Variants in CCDC18 observed in about 807,000 individuals in gnomAD.
The protein encoded by CCDC18 is coiled-coil domain-containing protein 18.
A neutral mutation model predicts 196.0 loss-of-function variants in CCDC18; 157 were observed. That is an observed-to-expected ratio of 0.80 (90% CI 0.70 to 0.91). CCDC18 has a LOEUF of 0.91. Among genes scored for constraint, CCDC18 ranks in the 40% least tolerant of loss-of-function variants. The pLI, the probability that CCDC18 is intolerant of heterozygous loss-of-function variation, is 0.00. For synonymous variants in CCDC18, 482 were observed against 529.2 expected (o/e 0.91, Z 1.22); for missense variants, 1,465 against 1,611.6 (o/e 0.91, Z 1.56).
chr1:93,205,432 A>T (rs935645106), intron 7 of CCDC18, 78 bp from the exon 8 acceptor site: 4 of 1,246,556 alleles, frequency 3.2e-6, no homozygotes, highest in Non-Finnish European at 4.4e-6. Context: ...TATTTCTGAA[A>T]TCACTACTGA....
At chr1:93,181,159 TAAA>T (rs71094239) in intron 1 of CCDC18, among the ~76,000 whole-genome samples, 2 of 89,852 alleles carry the variant, frequency 2.2e-5, no homozygotes, top group Non-Finnish European at 3.9e-5. Flanking sequence ...TCTATAAAAT[TAAA>T]AAAAAAAAAA....
intron 25 of CCDC18, among the ~76,000 whole-genome samples, 180 bp downstream of exon 25, chr1:93,256,718 T>A (rs1663010654): frequency 6.6e-6 from 1 of 152,200 alleles, no homozygotes; most frequent in Admixed American, 6.5e-5. Context: ...GTGTGTATTT[T>A]ACCACAATTT....
chr1:93,252,157 C>T (rs1321280698), intron 23 of CCDC18, among the ~76,000 whole-genome samples: 2 of 152,096 alleles, frequency 1.3e-5, no homozygotes, highest in African/African-American at 2.4e-5. Flanking sequence ...CCCACTTCCG[C>T]ATTGTGAGTA....
chr1:93,191,514 A>G (rs1342840519), intron 4 of CCDC18, among the ~76,000 whole-genome samples: 1 of 152,116 alleles, frequency 6.6e-6, no homozygotes, highest in African/African-American at 2.4e-5. Flanking sequence ...TACCATTTAG[A>G]TTGTGGGTTC....
chr1:93,179,983 A>G, upstream of CCDC18: 2 of 1,473,908 alleles, frequency 1.4e-6, no homozygotes, highest in Non-Finnish European at 9.2e-7. Context: ...AGAAGTTTCT[A>G]AACGGGTGAG....
At chr1:93,230,919 C>T (rs1659149464) in intron 17 of CCDC18, among the ~76,000 whole-genome samples, 2 of 152,136 alleles carry the variant, frequency 1.3e-5, no homozygotes, top group African/African-American at 4.8e-5. Flanking sequence ...GTGATACTGA[C>T]ACATATTTAC....
intron 27 of CCDC18, among the ~76,000 whole-genome samples, chr1:93,265,792 G>C (rs1664420502): frequency 6.6e-6 from 1 of 152,106 alleles, no homozygotes; most frequent in Non-Finnish European, 1.5e-5. Flanking sequence ...AGATTCATAA[G>C]TCAAGTCCTT....
Position 93,210,895 on chromosome 1 carries a change from G to A in CCDC18, c.1303G>A (p.Glu435Lys). Residue 435 changes from glutamate (E) to lysine (K), a missense_variant, in exon 10 of 29, where the codon GAG (glutamate) becomes AAG (lysine). By Grantham distance (56) the Glu-to-Lys change is moderately conservative. Coordinates refer to ENST00000690025, the MANE Select transcript of CCDC18 (RefSeq NM_001378204.1). ...GGAAGACCGTTGCATTGGCTGCTGT[G>A]AGGCAAATAAATTGGTGATTTCGGA... The part of the protein sequence containing the change: ...NKEDRCIGCC[E>K]ANKLVISELR... The A allele has an allele frequency of 3.7e-6, 6 of 1,613,892 alleles. No individual in the cohort carries two copies. The highest frequency in any genetic ancestry group is 5.1e-6 in the Non-Finnish European group (6 of 1,179,862).
At chr1:93,207,723 A>G (rs1405445832) in intron 9 of CCDC18, among the ~76,000 whole-genome samples, 1 of 152,192 alleles carries the variant, frequency 6.6e-6, no homozygotes, top group African/African-American at 2.4e-5. Flanking sequence ...TTTTGTAACA[A>G]TCACCATGAT....
At chr1:93,261,984 G>A in intron 26 of CCDC18, among the ~76,000 whole-genome samples, 1 of 152,142 alleles carries the variant, frequency 6.6e-6, no homozygotes. Flanking sequence ...AGAAGGTTAA[G>A]GGAAAGCAAG....
chr1:93,220,680 T>C (rs903087110), intron 14 of CCDC18, among the ~76,000 whole-genome samples: 5 of 152,128 alleles, frequency 3.3e-5, no homozygotes, highest in Non-Finnish European at 5.9e-5. Context: ...ATTTGTCACA[T>C]AGGTAAATGT....
At chr1:93,191,938 T>C in intron 4 of CCDC18, 62 bp from the exon 5 acceptor site, 2 of 1,188,240 alleles carry the variant, frequency 1.7e-6, no homozygotes, top group Non-Finnish European at 2.5e-6. Context: ...GGAAAAAAAC[T>C]AAGGACCAAG....
rs567338396 is a variant in CCDC18 at position 93,233,685 on chromosome 1, G to C, written c.2460+1092G>C. Among the ~76,000 whole-genome samples the C allele has an allele frequency of 2.6e-5, 4 of 152,080 alleles. No individual in the cohort carries two copies. The South Asian group carries it at 8.3e-4, about 32-fold the overall frequency. On this transcript the variant is annotated intron_variant, in intron 18 of 28. Transcript: ENST00000690025. ...GCGATCTCAGCTCACTGCAACCTCC[G>C]CCTCCCGGGTTCAAGCGATTCTCCC...
chr1:93,180,162 G>T, upstream of CCDC18: 1 of 1,613,398 alleles, frequency 6.2e-7, no homozygotes, highest in South Asian at 1.1e-5. Flanking sequence ...AAGGTGTGAA[G>T]CCGGCCGCCC....
At chr1:93,261,336 C>T (rs554431915) in intron 26 of CCDC18, among the ~76,000 whole-genome samples, 1 of 151,512 alleles carries the variant, frequency 6.6e-6, no homozygotes, top group East Asian at 1.9e-4. Context: ...ATAGTATATA[C>T]ATCCTCATAT....
intron 6 of CCDC18, among the ~76,000 whole-genome samples, chr1:93,198,637 G>A (rs1327280255): frequency 1.3e-5 from 2 of 152,082 alleles, no homozygotes; most frequent in Non-Finnish European, 2.9e-5. Flanking sequence ...ATCTACAGAA[G>A]ATATGTATAG....
rs150865801 is a variant in CCDC18, at chr1:93,264,729, A to C, written c.3713A>C (p.Lys1238Thr). 2.5e-6 allele frequency: 4 copies of C among 1,612,786 alleles called. No individual in the cohort carries two copies. The Admixed American group carries it at 6.7e-5, about 27-fold the overall frequency. ...ATTTCACATCAAGAGAACCATGCAA[A>C]GTGGAAGATTTCTGCTGACTCTCAA... ...EMISHQENHA[K>T]WKISADSQKS... The change falls in exon 27 of 29, where the codon AAG becomes ACG. Residue 1238 changes from lysine to threonine, a missense_variant. Transcript: ENST00000690025.
At chr1:93,270,869 T>G in intron 28 of CCDC18, 55 bp downstream of exon 28, 1 of 1,380,208 alleles carries the variant, frequency 7.2e-7, no homozygotes. Context: ...GAATATCATT[T>G]TATTACTTGG....
Position 93,214,808 on chromosome 1 carries a change from C to T in CCDC18, c.1561C>T (p.Leu521Phe), listed in dbSNP as rs770138038. ...NKQYEKERQR[L>F]VTGIEELRTK... The stretch of plus-strand genomic sequence containing the variant: ...GCAATATGAAAAAGAGAGGCAAAGA[C>T]TTGTTACTGGAATAGAAGAACTACG... The change falls in exon 12 of 29, where the codon CTT becomes TTT. Residue 521 changes from leucine to phenylalanine, a missense_variant. Coordinates refer to ENST00000690025, the MANE Select transcript of CCDC18 (RefSeq NM_001378204.1). 2.5e-5 allele frequency: 41 copies of T among 1,613,394 alleles called. No individual in the cohort carries two copies. Among genetic ancestry groups the T allele is most frequent in the Non-Finnish European group, 3.3e-5 (39 of 1,179,710 alleles).
Sources: allele counts gnomAD v4.1 joint callset (sites outside exome capture counted in the v4.1 genomes callset), GRCh38; gene constraint gnomAD v4.1.1; transcripts MANE v1.5; gene names NCBI Gene and HGNC (gene_info 2026-07-23, HGNC 2026-07-21).